Variants in ANK2 observed in about 807,000 individuals in gnomAD.
ANK2 encodes ankyrin-2.
A neutral mutation model predicts 360.5 loss-of-function variants in ANK2; 83 were observed. The observed-to-expected ratio is 0.23, with a 90% CI of 0.19 to 0.28. The LOEUF is 0.28. ANK2 is among the 10% of genes least tolerant of loss of function. ANK2 has a pLI of 1.00. For synonymous variants in ANK2, 1,740 were observed against 1,759.5 expected (o/e 0.99, Z 0.28); for missense variants, 4,201 against 4,795.7 (o/e 0.88, Z 3.66).
rs761385520 is a variant in ANK2 at position 113,359,292 on chromosome 4, T to C, written c.10674T>C (p.His3558=). Residue 3558 remains histidine, a synonymous_variant, in exon 38 of 46, where the codon CAT becomes CAC. Transcript: ENST00000357077. The part of the protein sequence containing the change: ...ERIPDENGHD[H]AEDPQDEQER... ...TCCCTGATGAAAATGGCCATGACCA[T>C]GCTGAAGGTATTTGCCAGCCACCGG... 5.6e-6 allele frequency: 9 copies of C among 1,613,722 alleles called. No homozygotes were observed. Among genetic ancestry groups the C allele is most frequent in the Non-Finnish European group, 7.6e-6 (9 of 1,179,876 alleles).
chr4:112,749,057 G>T, the ANK2 span, among the ~76,000 whole-genome samples: 1 of 152,048 alleles, frequency 6.6e-6, no homozygotes, highest in Non-Finnish European at 1.5e-5. Flanking sequence ...GTGCCACCAC[G>T]CCCATCTGAT....
intron 1 of ANK2, among the ~76,000 whole-genome samples, chr4:113,123,904 CT>C (rs2154373314): frequency 6.6e-6 from 1 of 152,000 alleles, no homozygotes; most frequent in East Asian, 1.9e-4. Context: ...AGGAGACACC[CT>C]GGCAACTTTC....
chr4:112,805,533 T>C, the ANK2 span, among the ~76,000 whole-genome samples: 1 of 151,322 alleles, frequency 6.6e-6, no homozygotes, highest in Non-Finnish European at 1.5e-5. Context: ...TGGGGTGGTG[T>C]AAAACAAGGG....
intron 2 of ANK2, among the ~76,000 whole-genome samples, chr4:112,984,037 A>T (rs1446211394): frequency 6.6e-6 from 1 of 152,250 alleles, no homozygotes; most frequent in Non-Finnish European, 1.5e-5. Flanking sequence ...GCCTAAAAAC[A>T]ACTTAAAAAG....
chr4:113,168,839 G>A (rs1179709481), intron 1 of ANK2, among the ~76,000 whole-genome samples: 1 of 152,170 alleles, frequency 6.6e-6, no homozygotes, highest in Non-Finnish European at 1.5e-5. Context: ...CAATAGAGCA[G>A]TCCTTGGACA....
chr4:112,891,279 G>A (rs959832845), intron 1 of ANK2, among the ~76,000 whole-genome samples: 1 of 152,068 alleles, frequency 6.6e-6, no homozygotes, highest in Non-Finnish European at 1.5e-5. Flanking sequence ...CCCAGTGAAT[G>A]CATGATAGAA....
intron 17 of ANK2, among the ~76,000 whole-genome samples, chr4:113,281,737 C>T (rs1429714122): frequency 6.6e-6 from 1 of 152,026 alleles, no homozygotes; most frequent in Non-Finnish European, 1.5e-5. Flanking sequence ...ACAGTTGTTC[C>T]ACATTTTTTT....
At chr4:113,251,745 G>A (rs2046554807) in intron 10 of ANK2, among the ~76,000 whole-genome samples, 1 of 151,872 alleles carries the variant, frequency 6.6e-6, no homozygotes, top group Non-Finnish European at 1.5e-5. Context: ...GCCTCCCAAA[G>A]TGCTGGGATT....
chr4:113,214,116 T>C, intron 4 of ANK2: 1 of 766,068 alleles, frequency 1.3e-6, no homozygotes, highest in South Asian at 1.5e-5. Context: ...TGTTCGGTCC[T>C]TGCGGGCTTC....
At chr4:112,967,211 A>G (rs1465267706) in intron 2 of ANK2, among the ~76,000 whole-genome samples, 3 of 152,240 alleles carry the variant, frequency 2.0e-5, no homozygotes, top group Admixed American at 2.0e-4. Flanking sequence ...GAGACTGTGT[A>G]TATGATCTTG....
chr4:112,984,124 A>G (rs533343080), intron 2 of ANK2, among the ~76,000 whole-genome samples: 1 of 152,304 alleles, frequency 6.6e-6, no homozygotes, highest in East Asian at 1.9e-4. Flanking sequence ...CTATGTTCAT[A>G]CTGTGCTTAG....
At chr4:113,088,588 G>GT (rs544358079) in intron 1 of ANK2, among the ~76,000 whole-genome samples, 132 of 146,070 alleles carry the variant, frequency 9.0e-4, no homozygotes, top group Middle Eastern at 7.1e-3. Context: ...TAATTTTTTT[G>GT]TTTTTTTTTT....
At chr4:112,818,739 G>C (rs2056103598) in intron 1 of ANK2, among the ~76,000 whole-genome samples, 1 of 152,112 alleles carries the variant, frequency 6.6e-6, no homozygotes, top group African/African-American at 2.4e-5. Context: ...AGAAAGCGGG[G>C]GTGAACCAGC....
At chr4:113,319,328 G>T (rs573783530) in intron 26 of ANK2, among the ~76,000 whole-genome samples, 25 of 151,810 alleles carry the variant, frequency 1.6e-4, no homozygotes, top group African/African-American at 5.8e-4. Context: ...GTTTTAAATT[G>T]TAACACTCTT....
At chr4:113,200,296 T>C (rs966389021) in intron 4 of ANK2, among the ~76,000 whole-genome samples, 2 of 152,210 alleles carry the variant, frequency 1.3e-5, no homozygotes, top group Non-Finnish European at 2.9e-5. Flanking sequence ...ATTTTAGGCT[T>C]GGAGAGAAAG....
intron 1 of ANK2, among the ~76,000 whole-genome samples, chr4:113,171,152 T>G (rs1583730340): frequency 6.6e-6 from 1 of 152,328 alleles, no homozygotes. Context: ...CTACTTATAC[T>G]TGATTTTAGA....
At chr4:113,272,381 A>G (rs2058863360) in intron 14 of ANK2, among the ~76,000 whole-genome samples, 1 of 152,170 alleles carries the variant, frequency 6.6e-6, no homozygotes, top group Non-Finnish European at 1.5e-5. Context: ...TTTCCCATGA[A>G]TCTTTTCTTC....
the ANK2 span, among the ~76,000 whole-genome samples, chr4:112,785,406 C>G: frequency 1.3e-5 from 2 of 151,536 alleles, no homozygotes; most frequent in African/African-American, 4.9e-5. Context: ...CGGAGTCTTG[C>G]TCTGTCACCC....
At chr4:113,225,313 T>C (rs1046738006) in intron 4 of ANK2, among the ~76,000 whole-genome samples, 1 of 152,166 alleles carries the variant, frequency 6.6e-6, no homozygotes, top group African/African-American at 2.4e-5. Flanking sequence ...AATGATTCTA[T>C]ATAGATGTAT....
Sources: gnomAD v4.1 joint callset for allele counts (sites outside exome capture counted in the v4.1 genomes callset) on GRCh38, gnomAD v4.1.1 for gene constraint, MANE v1.5 for transcripts, NCBI Gene and HGNC (gene_info 2026-07-23, HGNC 2026-07-21) for gene names.